Variants in TNFRSF25 observed in about 807,000 individuals in gnomAD.
TNFRSF25 encodes TNF receptor superfamily member 25, also known as tumor necrosis factor receptor superfamily member 25.
TNFRSF25 carries 28 observed loss-of-function variants against 49.4 expected under a neutral mutation model. The observed-to-expected ratio is 0.57, with a 90% CI of 0.42 to 0.78. The LOEUF (loss-of-function observed/expected upper bound fraction) is 0.78, where lower values mean the gene tolerates loss of function less well. Among genes scored for constraint, TNFRSF25 ranks in the 30% least tolerant of loss-of-function variants. The probability of loss-of-function intolerance (pLI) is 0.00; values close to 1 mark genes in which losing one functional copy is unlikely to be tolerated. For synonymous variants in TNFRSF25, 240 were observed against 234.2 expected (o/e 1.02, Z -0.23); for missense variants, 531 against 581.6 (o/e 0.91, Z 0.90).
At chr1:6,465,811 G>A (rs887133307) in intron 1 of TNFRSF25, 3 of 1,422,302 alleles carry the variant, frequency 2.1e-6, no homozygotes, top group Non-Finnish European at 1.8e-6. Context: ...ATCCAGCAGC[G>A]CCCCCACCCC....
In TNFRSF25 at chr1:6,462,190, G is replaced by T; in HGVS notation, c.745-16C>A. On this transcript the variant is annotated splice_polypyrimidine_tract_variant and intron_variant, in intron 8 of 9. Coordinates refer to ENST00000356876, the MANE Select transcript of TNFRSF25 (RefSeq NM_003790.3). The surrounding 1 kb of genome is among the most constrained non-coding windows in gnomAD (Gnocchi z 4.2). ...GATGGGTGGCCTGGAAGCCAAGAGG[G>T]GCCCCAGGTCAGCCCTGCTTGCCAA... 1 of 1,594,082 alleles carries T rather than the reference G, an allele frequency of 6.3e-7. No homozygotes were observed. The highest frequency in any genetic ancestry group is 8.6e-7 in the Non-Finnish European group (1 of 1,169,056).
In TNFRSF25 at chr1:6,461,832, C is replaced by G. The variant is rs1006230593; in HGVS notation, c.926-70G>C. ...GTCGGGAGGCAGAGTCAGGGGCGTT[C>G]GTGCGGGTACCCCAGGGCTGAAGCC... On this transcript the variant is annotated intron_variant, in intron 9 of 9. Coordinates refer to ENST00000356876, the MANE Select transcript of TNFRSF25 (RefSeq NM_003790.3). The surrounding 1 kb of genome is among the most constrained non-coding windows in gnomAD (Gnocchi z 6.3). The G allele has an allele frequency of 3.4e-6, 5 of 1,456,778 alleles. No homozygotes were observed. The East Asian group carries it at 1.0e-4, about 29-fold the overall frequency. 90.2% of individuals were successfully genotyped at this position (1,456,778 alleles called of 1,614,324 possible). A position where few individuals can be genotyped will look rare whatever the true frequency, so the allele number is the denominator to read the frequency against.
chr1:6,463,968 ATATT>A (rs922559160), intron 5 of TNFRSF25: 9 of 200,682 alleles, frequency 4.5e-5, no homozygotes, highest in South Asian at 1.8e-4. Flanking sequence ...AATAGATTTA[ATATT>A]TATTTATTTA....
chr1:6,462,498 G>T lies in TNFRSF25; in HGVS notation c.744+131C>A. Reference sequence around the variant, plus strand: ...CACTGTGCTGGTCTCATCCACTGATGACTCTGCTCCCAACACCTCTGTCCA... The same window carrying T: ...CACTGTGCTGGTCTCATCCACTGATTACTCTGCTCCCAACACCTCTGTCCA... On this transcript the variant is annotated intron_variant, in intron 8 of 9. Transcript: ENST00000356876. The surrounding 1 kb of genome is among the most constrained non-coding windows in gnomAD (Gnocchi z 4.2). 6.6e-7 allele frequency: 1 copy of T among 1,520,016 alleles called. No homozygotes were observed. Among genetic ancestry groups the T allele is most frequent in the South Asian group, 1.3e-5 (1 of 75,350 alleles). The allele number at this position is 1,520,016 out of a possible 1,614,324, so 94.2% of individuals were successfully genotyped here.
intron 1 of TNFRSF25, 159 bp from the exon 2 acceptor site, chr1:6,465,719 C>T (rs1644338338): frequency 7.0e-7 from 1 of 1,435,680 alleles, no homozygotes; most frequent in South Asian, 1.5e-5. Flanking sequence ...AGGAAACTAA[C>T]TTCCTTCCCC....
intron 1 of TNFRSF25, chr1:6,465,830 C>G (rs1644346103): frequency 2.1e-6 from 3 of 1,424,424 alleles, no homozygotes; most frequent in Admixed American, 6.0e-5. Flanking sequence ...CCCACCCATG[C>G]TTTCTGTTGG....
In TNFRSF25 at chr1:6,461,599, G is replaced by T. The variant is rs781377591; in HGVS notation, c.1089C>A (p.Ala363=). ...GGAAGCGGCCGATCTCCACCTCCAC[G>T]GCTTCGATCTCTGCCTCGCGCAGCC... ...TLGLREAEIE[A]VEVEIGRFRD... Residue 363 remains alanine, a synonymous_variant, in exon 10 of 10, where the codon GCC becomes GCA. Coordinates refer to ENST00000356876, the MANE Select transcript of TNFRSF25 (RefSeq NM_003790.3). The surrounding 1 kb of genome is among the most constrained non-coding windows in gnomAD (Gnocchi z 6.3). 1 of 1,610,054 alleles carries T rather than the reference G, an allele frequency of 6.2e-7. No homozygotes were observed. The highest frequency in any genetic ancestry group is 2.2e-5 in the East Asian group (1 of 44,864).
chr1:6,462,436 C>G lies in TNFRSF25; in HGVS notation c.744+193G>C. 1 of 1,382,522 alleles carries G rather than the reference C, an allele frequency of 7.2e-7. No individual in the cohort carries two copies. Among genetic ancestry groups the G allele is most frequent in the Non-Finnish European group, 9.6e-7 (1 of 1,042,628 alleles). The allele number at this position is 1,382,522 out of a possible 1,614,324, so 85.6% of individuals were successfully genotyped here. ...GAACTGTTAGCTCCTGTGTACGAATCTGAACTCCAGCTGACTGAGCACCCC... is the reference window on the plus strand; with the variant it reads ...GAACTGTTAGCTCCTGTGTACGAATGTGAACTCCAGCTGACTGAGCACCCC... On this transcript the variant is annotated intron_variant, in intron 8 of 9. Transcript: ENST00000356876. This position sits in a 1 kb window ranked among gnomAD's most constrained non-coding sequence, Gnocchi z 4.2.
chr1:6,462,684 A>T lies in TNFRSF25; in HGVS notation c.707-18T>A. 1.2e-6 allele frequency: 2 copies of T among 1,612,850 alleles called. No individual in the cohort carries two copies. The highest frequency in any genetic ancestry group is 8.5e-7 in the Non-Finnish European group (1 of 1,179,398). On this transcript the variant is annotated intron_variant, in intron 7 of 9. Coordinates refer to ENST00000356876, the MANE Select transcript of TNFRSF25 (RefSeq NM_003790.3). The surrounding 1 kb of genome is among the most constrained non-coding windows in gnomAD (Gnocchi z 4.2). ...TTCATCTGCTGACAGACACAGAGAG[A>T]TTGCGGTCAGCCACCAGGCAAGCCT...
intron 1 of TNFRSF25, 101 bp downstream of exon 1, chr1:6,465,968 C>T: frequency 6.7e-7 from 1 of 1,495,036 alleles, no homozygotes. Flanking sequence ...ACCCAGCCCC[C>T]AGTGAGGCTT....
Position 6,461,855 on chromosome 1 carries a change from G to C in TNFRSF25, c.926-93C>G, listed in dbSNP as rs1434077435. The C allele has an allele frequency of 6.9e-6, 10 of 1,452,720 alleles. No homozygotes were observed. The highest frequency in any genetic ancestry group is 8.2e-6 in the Non-Finnish European group (9 of 1,104,226). 90.0% of individuals were successfully genotyped at this position (1,452,720 alleles called of 1,614,324 possible). A position where few individuals can be genotyped will look rare whatever the true frequency, so the allele number is the denominator to read the frequency against. ...TTCGTGCGGGTACCCCAGGGCTGAA[G>C]CCCGCTGGATCCGGTGGGTCAGGGC... On this transcript the variant is annotated intron_variant, in intron 9 of 9. Coordinates refer to ENST00000356876, the MANE Select transcript of TNFRSF25 (RefSeq NM_003790.3). The surrounding 1 kb of genome is among the most constrained non-coding windows in gnomAD (Gnocchi z 6.3).
intron 1 of TNFRSF25, 53 bp downstream of exon 1, chr1:6,466,016 G>A: frequency 3.2e-6 from 5 of 1,543,780 alleles, no homozygotes; most frequent in Non-Finnish European, 4.4e-6. Flanking sequence ...CCTTCACCGA[G>A]GCTCTTGGGA....
Position 6,464,571 on chromosome 1 carries a change from G to A in TNFRSF25, c.444C>T (p.His148=), listed in dbSNP as rs147457839. ...CQPCLDCGAL[H]RHTRLLCSRR... ...ACTCACAGAGTAGCCGTGTGTGGCG[G>A]TGCAGGGCCCCGCAGTCTAGGCATG... The change falls in exon 4 of 10, where the codon CAC becomes CAT. Residue 148 remains histidine, a synonymous_variant. Coordinates refer to ENST00000356876, the MANE Select transcript of TNFRSF25 (RefSeq NM_003790.3). The A allele has an allele frequency of 4.5e-5, 72 of 1,614,064 alleles. No homozygotes were observed. The highest frequency in any genetic ancestry group is 4.8e-5 in the Non-Finnish European group (57 of 1,180,044).
Position 6,461,594 on chromosome 1 carries a change from T to G in TNFRSF25, c.1094A>C (p.Glu365Ala). The change falls in exon 10 of 10, where the codon GAG becomes GCG. Residue 365 changes from glutamate (E) to alanine (A), a missense_variant. Physicochemically the swap from Glu to Ala is moderately radical, Grantham distance 107. Transcript: ENST00000356876. This position sits in a 1 kb window ranked among gnomAD's most constrained non-coding sequence, Gnocchi z 6.3. The part of the protein sequence containing the change: ...GLREAEIEAV[E>A]VEIGRFRDQQ... Reference sequence around the variant, plus strand: ...GTCTCGGAAGCGGCCGATCTCCACCTCCACGGCTTCGATCTCTGCCTCGCG... The same window carrying G: ...GTCTCGGAAGCGGCCGATCTCCACCGCCACGGCTTCGATCTCTGCCTCGCG... The G allele has an allele frequency of 6.2e-7, 1 of 1,610,336 alleles. No individual in the cohort carries two copies. The highest frequency in any genetic ancestry group is 8.5e-7 in the Non-Finnish European group (1 of 1,179,426).
chr1:6,465,598 C>G (rs1482318416), intron 1 of TNFRSF25, 38 bp from the exon 2 acceptor site: 1 of 1,597,364 alleles, frequency 6.3e-7, no homozygotes, highest in Admixed American at 1.7e-5. Flanking sequence ...GCGCAGCTGC[C>G]CACGTGGGGC....
Position 6,464,566 on chromosome 1 carries a change from T to A in TNFRSF25, c.449A>T (p.His150Leu). Residue 150 changes from histidine (H) to leucine (L), a missense_variant, in exon 4 of 10, where the codon CAC (histidine) becomes CTC (leucine). Coordinates refer to ENST00000356876, the MANE Select transcript of TNFRSF25 (RefSeq NM_003790.3). ...PCLDCGALHRHTRLLCSRRDT... is the reference protein window; with the variant it reads ...PCLDCGALHRLTRLLCSRRDT... ...GGGGTACTCACAGAGTAGCCGTGTG[T>A]GGCGGTGCAGGGCCCCGCAGTCTAG... 6.2e-7 allele frequency: 1 copy of A among 1,614,084 alleles called. No homozygotes were observed. Among genetic ancestry groups the A allele is most frequent in the Non-Finnish European group, 8.5e-7 (1 of 1,180,008 alleles).
chr1:6,461,238 C>A lies in TNFRSF25; in HGVS notation c.*196G>T, dbSNP rs1197215000. 2 of 751,432 alleles carry A rather than the reference C, an allele frequency of 2.7e-6. No individual in the cohort carries two copies. Among genetic ancestry groups the A allele is most frequent in the Non-Finnish European group, 4.8e-6 (2 of 417,462 alleles). 46.5% of individuals were successfully genotyped at this position (751,432 alleles called of 1,614,324 possible). The stretch of plus-strand genomic sequence containing the variant: ...GAGAAGTTGAGAAATGTCTTCACCC[C>A]CTCTCGACATTCGTTCGTGCTTCTT... On this transcript the variant is annotated 3_prime_UTR_variant, in exon 10 of 10. Coordinates refer to ENST00000356876, the MANE Select transcript of TNFRSF25 (RefSeq NM_003790.3). The surrounding 1 kb of genome is among the most constrained non-coding windows in gnomAD (Gnocchi z 6.3).
At position 6,462,835 on chromosome 1, in the gene TNFRSF25, G is replaced by A. The variant is rs1414034071; in HGVS notation, c.706+28C>T. 2 of 1,588,386 alleles carry A rather than the reference G, an allele frequency of 1.3e-6. No individual in the cohort carries two copies. Among genetic ancestry groups the A allele is most frequent in the Non-Finnish European group, 1.7e-6 (2 of 1,165,550 alleles). On this transcript the variant is annotated intron_variant, in intron 7 of 9. Coordinates refer to ENST00000356876, the MANE Select transcript of TNFRSF25 (RefSeq NM_003790.3). The surrounding 1 kb of genome is among the most constrained non-coding windows in gnomAD (Gnocchi z 4.2). ...CTACCCATCCTGACCCCAGGCTTCTGGGTGCGTGTGTGGGTGTGTGTACTT... is the reference window on the plus strand; with the variant it reads ...CTACCCATCCTGACCCCAGGCTTCTAGGTGCGTGTGTGGGTGTGTGTACTT...
Position 6,462,205 on chromosome 1 carries a change from C to CT in TNFRSF25, c.745-32dup, listed in dbSNP as rs1172650182. 6.3e-7 allele frequency: 1 copy of CT among 1,575,754 alleles called. No individual in the cohort carries two copies. The highest frequency in any genetic ancestry group is 2.3e-5 in the East Asian group (1 of 44,434). The stretch of plus-strand genomic sequence containing the variant: ...AGCCAAGAGGGGCCCCAGGTCAGCC[C>CT]TGCTTGCCAAGTAAGGCCCCTTACC... On this transcript the variant is annotated intron_variant, in intron 8 of 9. Transcript: ENST00000356876. This position sits in a 1 kb window ranked among gnomAD's most constrained non-coding sequence, Gnocchi z 4.2.
Sources: allele counts gnomAD v4.1 joint callset, GRCh38; gene constraint gnomAD v4.1.1; non-coding constraint Gnocchi (gnomAD v3.1); transcripts MANE v1.5; gene names NCBI Gene and HGNC (gene_info 2026-07-23, HGNC 2026-07-21).